GUCA1A: variants seen among roughly 807,000 people sequenced by gnomAD.
The protein encoded by GUCA1A is guanylyl cyclase-activating protein 1.
GUCA1A carries 14 observed loss-of-function variants against 18.5 expected under a neutral mutation model. The ratio of observed to expected loss-of-function variants is 0.76; its 90% CI spans 0.50 to 1.18. The LOEUF (loss-of-function observed/expected upper bound fraction) is 1.18. Among genes scored for constraint, GUCA1A ranks in the 50% most tolerant of loss-of-function variants. GUCA1A has a pLI of 0.00. For synonymous variants in GUCA1A, 97 were observed against 100.2 expected, an observed-to-expected ratio of 0.97 and a Z score of 0.19; for missense variants, 264 against 262.4, an observed-to-expected ratio of 1.01 and a Z score of -0.04.
intron 1 of GUCA1A, among the ~76,000 whole-genome samples, 193 bp from the exon 2 acceptor site, chr6:42,178,087 C>G (rs1229576078): frequency 1.3e-5 from 2 of 152,246 alleles, no homozygotes; most frequent in African/African-American, 4.8e-5. Context: ...CTATACAGGG[C>G]GTCTAGGAAG....
chr6:42,178,697 C>T, intron 2 of GUCA1A, 105 bp from the exon 3 acceptor site: 1 of 937,982 alleles, frequency 1.1e-6, no homozygotes, highest in African/African-American at 1.6e-5. Context: ...GCACTCTACT[C>T]CTCACTGCTC....
intron 1 of GUCA1A, among the ~76,000 whole-genome samples, chr6:42,176,919 G>C (rs1409838634): frequency 6.6e-6 from 1 of 152,142 alleles, no homozygotes; most frequent in East Asian, 1.9e-4. Context: ...TTACTCTTTG[G>C]CTCTTTACAG....
intron 1 of GUCA1A, among the ~76,000 whole-genome samples, chr6:42,177,429 C>T (rs1767984921): frequency 6.6e-6 from 1 of 152,098 alleles, no homozygotes; most frequent in South Asian, 2.1e-4. Flanking sequence ...GAAAAGTGCA[C>T]ACTGTCATTC....
Position 42,178,339 on chromosome 6 carries a change from G to A in GUCA1A, c.261G>A (p.Lys87=), listed in dbSNP as rs1184557126. 11 of 1,614,108 alleles carry A rather than the reference G, an allele frequency of 6.8e-6. No individual in the cohort carries two copies. The highest frequency in any genetic ancestry group is 7.6e-6 in the Non-Finnish European group (9 of 1,179,946). Residue 87 remains lysine (K), a synonymous_variant, in exon 2 of 4, where the codon AAG becomes AAA. Transcript: ENST00000372958. ...VAALSLVLKG[K]VEQKLRWYFK... is the part of the protein sequence containing the mutation. ...CGCTCAGCTTGGTCCTCAAGGGGAA[G>A]GTGGAACAGAAGCTCCGCTGGTACT...
chr6:42,174,839 C>A (rs577801688), intron 1 of GUCA1A, among the ~76,000 whole-genome samples: 3 of 152,248 alleles, frequency 2.0e-5, no homozygotes, highest in African/African-American at 4.8e-5. Context: ...GAGGCGCTGC[C>A]GCGTGTCCTC....
intron 1 of GUCA1A, among the ~76,000 whole-genome samples, chr6:42,176,384 G>A (rs1294012230): frequency 6.6e-6 from 1 of 152,092 alleles, no homozygotes; most frequent in Non-Finnish European, 1.5e-5. Flanking sequence ...GCTAGGAGAT[G>A]GAACACAGGA....
intron 1 of GUCA1A, 41 bp from the exon 2 acceptor site, chr6:42,178,239 G>T (rs775231318): frequency 2.5e-6 from 4 of 1,610,862 alleles, no homozygotes; most frequent in East Asian, 2.2e-5. Context: ...TGGAGTGAGC[G>T]GGGCCCGGAT....
intron 1 of GUCA1A, among the ~76,000 whole-genome samples, chr6:42,174,309 A>C (rs1220160649): frequency 1.3e-5 from 2 of 152,246 alleles, no homozygotes; most frequent in Non-Finnish European, 2.9e-5. Flanking sequence ...AGGGAGCAAG[A>C]TGATGATTCT....
intron 3 of GUCA1A, 75 bp downstream of exon 3, chr6:42,178,970 T>C: frequency 8.6e-7 from 1 of 1,163,672 alleles, no homozygotes; most frequent in South Asian, 1.2e-5. Flanking sequence ...GGAAGGTCAC[T>C]AAAGGAGAGG....
intron 1 of GUCA1A, among the ~76,000 whole-genome samples, chr6:42,176,675 C>A (rs547863954): frequency 3.3e-5 from 5 of 152,118 alleles, no homozygotes; most frequent in Non-Finnish European, 5.9e-5. Context: ...CTCAGGTGAT[C>A]CACCTGCCTC....
rs765676644 is a variant in GUCA1A at position 42,179,417 on chromosome 6, C to A, written c.*14C>A. The A allele has an allele frequency of 9.6e-6, 15 of 1,568,778 alleles. No individual in the cohort carries two copies. Among genetic ancestry groups the A allele is most frequent in the Non-Finnish European group, 1.3e-5 (15 of 1,154,768 alleles). ...GCAGCCGGCTGAGTGCACCGCCCGG[C>A]TGCTTCTGCACTAGCGGGTGGGGTG... On this transcript the variant is annotated 3_prime_UTR_variant, in exon 4 of 4. Coordinates refer to ENST00000372958, the MANE Select transcript of GUCA1A (RefSeq NM_001384910.1).
intron 2 of GUCA1A, 121 bp downstream of exon 2, chr6:42,178,550 G>A: frequency 9.9e-7 from 1 of 1,005,786 alleles, no homozygotes; most frequent in Non-Finnish European, 1.6e-6. Context: ...GATCCTGGTG[G>A]CAGCTGTAGG....
chr6:42,176,085 G>A (rs923746511), intron 1 of GUCA1A, among the ~76,000 whole-genome samples: 2 of 152,116 alleles, frequency 1.3e-5, no homozygotes, highest in Non-Finnish European at 2.9e-5. Context: ...CTCCATGTGG[G>A]CAGGGATTTT....
intron 2 of GUCA1A, 88 bp from the exon 3 acceptor site, chr6:42,178,714 G>T: frequency 9.4e-7 from 1 of 1,068,430 alleles, no homozygotes. Context: ...GCTCTTGGGA[G>T]CCGGACAAGC....
Position 42,173,737 on chromosome 6 carries a change from T to C in GUCA1A, c.124T>C (p.Phe42Leu), listed in dbSNP as rs202098005. The change falls in exon 1 of 4, where the codon TTC becomes CTC. Residue 42 changes from phenylalanine (F) to leucine (L), a missense_variant. Phe to Leu is a conservative substitution (Grantham distance 22). Coordinates refer to ENST00000372958, the MANE Select transcript of GUCA1A (RefSeq NM_001384910.1). ...ACTCACCCTCTATGAGTTCCGCCAG[T>C]TCTTCGGCCTCAAGAACCTGAGCCC... ...GQLTLYEFRQ[F>L]FGLKNLSPSA... 1.9e-6 allele frequency: 3 copies of C among 1,614,024 alleles called. No homozygotes were observed. The highest frequency in any genetic ancestry group is 2.5e-6 in the Non-Finnish European group (3 of 1,180,002).
Position 42,178,814 on chromosome 6 carries a change from A to G in GUCA1A, c.364A>G (p.Ile122Val), listed in dbSNP as rs372323165. The change falls in exon 3 of 4, where the codon ATT becomes GTT. Residue 122 changes from isoleucine (I) to valine (V), a missense_variant. By Grantham distance (29) the Ile-to-Val change is conservative. Transcript: ENST00000372958. ...TCTTCCCTCCCAGGCCATTCGCGCC[A>G]TTAACCCCTGCAGCGATACCACCAT... ...LLTIIQAIRA[I>V]NPCSDTTMTA... 6.8e-5 allele frequency: 110 copies of G among 1,613,132 alleles called. 1 individual carries two copies. Among genetic ancestry groups the G allele is most frequent in the Middle Eastern group, 4.9e-4 (3 of 6,080 alleles).
At chr6:42,175,522 G>A (rs1159953173) in intron 1 of GUCA1A, among the ~76,000 whole-genome samples, 1 of 151,896 alleles carries the variant, frequency 6.6e-6, no homozygotes, top group African/African-American at 2.4e-5. Flanking sequence ...CCACAACCAT[G>A]CCTGGCTAAT....
At chr6:42,175,182 C>T (rs1279840182) in intron 1 of GUCA1A, among the ~76,000 whole-genome samples, 1 of 151,976 alleles carries the variant, frequency 6.6e-6, no homozygotes, top group Non-Finnish European at 1.5e-5. Context: ...GATGGTTGAG[C>T]CTCACACCTT....
chr6:42,178,732 G>T, intron 2 of GUCA1A, 70 bp from the exon 3 acceptor site: 1 of 1,233,102 alleles, frequency 8.1e-7, no homozygotes, highest in Non-Finnish European at 1.2e-6. Flanking sequence ...AGCTCTGACC[G>T]TCCCCAATCC....
Sources: gnomAD v4.1 joint callset for allele counts (sites outside exome capture counted in the v4.1 genomes callset) on GRCh38, gnomAD v4.1.1 for gene constraint, MANE v1.5 for transcripts, NCBI Gene and HGNC (gene_info 2026-07-23, HGNC 2026-07-21) for gene names.